Variants in SART3 observed in about 807,000 individuals in gnomAD.
The protein encoded by SART3 is spliceosome associated factor 3, U4/U6 recycling protein.
Under a neutral mutation model 122.3 loss-of-function variants are expected in SART3, and 44 were observed. The observed-to-expected ratio is 0.36, with a 90% CI of 0.28 to 0.46. The LOEUF is 0.46. Ranked by LOEUF, SART3 falls within the 20% of genes least tolerant of loss-of-function variation. The pLI is 1.00. For synonymous variants in SART3, 442 were observed against 454.0 expected (o/e 0.97, Z 0.34); for missense variants, 1,101 against 1,229.0 (o/e 0.90, Z 1.56).
chr12:108,525,358 C>T lies in SART3; in HGVS notation c.2523+99G>A, dbSNP rs184869268. On this transcript the variant is annotated intron_variant, in intron 17 of 18. Coordinates refer to ENST00000546815, the MANE Select transcript of SART3 (RefSeq NM_014706.4). Reference sequence around the variant, plus strand: ...TAACTTTTGTTTCTCAGCAGACAAACTAGGAACCCATTCTAGAGGTTAAAT... The same window carrying T: ...TAACTTTTGTTTCTCAGCAGACAAATTAGGAACCCATTCTAGAGGTTAAAT... 8.4e-6 allele frequency: 11 copies of T among 1,303,448 alleles called. No homozygotes were observed. In the Admixed American group the frequency reaches 1.4e-4, roughly 17 times the overall value. 80.7% of individuals were successfully genotyped at this position (1,303,448 alleles called of 1,614,324 possible). A position where few individuals can be genotyped will look rare whatever the true frequency, so the allele number is the denominator to read the frequency against.
chr12:108,544,626 G>A lies in SART3; in HGVS notation c.730-148C>T. 7 of 1,084,570 alleles carry A rather than the reference G, an allele frequency of 6.5e-6. No individual in the cohort carries two copies. The Admixed American group carries it at 1.3e-4, about 21-fold the overall frequency. 67.2% of individuals were successfully genotyped at this position (1,084,570 alleles called of 1,614,324 possible). ...CTGTCACCCTGGCTGGAGTGTGGTG[G>A]TGTGATCACAACTCACTACAGCCTC... On this transcript the variant is annotated intron_variant, in intron 4 of 18. Coordinates refer to ENST00000546815, the MANE Select transcript of SART3 (RefSeq NM_014706.4).
Position 108,536,659 on chromosome 12 carries a change from C to T in SART3, c.1387+49G>A, listed in dbSNP as rs759811549. On this transcript the variant is annotated intron_variant, in intron 10 of 18. Coordinates refer to ENST00000546815, the MANE Select transcript of SART3 (RefSeq NM_014706.4). ...AAGGTACATCAACCAGGAAATAGTA[C>T]AGACAAGGAAATACAACTGGGCAAA... 23 of 1,609,236 alleles carry T rather than the reference C, an allele frequency of 1.4e-5. No homozygotes were observed. The Middle Eastern group carries it at 4.9e-4, about 35-fold the overall frequency.
intron 6 of SART3, 147 bp downstream of exon 6, chr12:108,542,881 T>C: frequency 8.9e-7 from 1 of 1,118,808 alleles, no homozygotes; most frequent in Non-Finnish European, 1.3e-6. Flanking sequence ...ATGTTCACTT[T>C]ATTATTAGTA....
intron 18 of SART3, chr12:108,524,020 T>A: frequency 1.8e-6 from 1 of 554,360 alleles, no homozygotes; most frequent in South Asian, 2.1e-5. Context: ...GATTTCTTTG[T>A]AAACACACAG....
At chr12:108,529,275 A>C (rs948854567) in intron 15 of SART3, among the ~76,000 whole-genome samples, 4 of 152,372 alleles carry the variant, frequency 2.6e-5, no homozygotes, top group African/African-American at 9.6e-5. Context: ...ATATGGTCAT[A>C]AATATGTGTA....
intron 18 of SART3, 71 bp from the exon 19 acceptor site, chr12:108,523,705 A>G (rs1445549144): frequency 1.5e-6 from 2 of 1,368,508 alleles, no homozygotes; most frequent in African/African-American, 2.9e-5. Context: ...TGTGAAAATA[A>G]GCCAAGACAG....
At chr12:108,549,446 G>A (rs2029898977) in intron 1 of SART3, 2 of 503,480 alleles carry the variant, frequency 4.0e-6, no homozygotes, top group Non-Finnish European at 3.6e-6. Context: ...CCTGTTAGAA[G>A]ACATTTGGGT....
At chr12:108,529,133 G>A (rs1346344454) in intron 15 of SART3, among the ~76,000 whole-genome samples, 1 of 152,062 alleles carries the variant, frequency 6.6e-6, no homozygotes, top group Non-Finnish European at 1.5e-5. Flanking sequence ...AAAAATAAAT[G>A]AATAAATAAA....
Position 108,524,349 on chromosome 12 carries a change from C to T in SART3, c.2681G>A (p.Gly894Asp), listed in dbSNP as rs1872268795. ...PEKPETRKAP[G>D]GPMLLPQTYG... ...TGTCTGCGGCAAAAGCATGGGGCCACCTGGTGCCTTCCTGGTCTCCGGCTT... is the reference window on the plus strand; with the variant it reads ...TGTCTGCGGCAAAAGCATGGGGCCATCTGGTGCCTTCCTGGTCTCCGGCTT... Residue 894 changes from glycine (G) to aspartate (D), a missense_variant, in exon 18 of 19, where the codon GGT becomes GAT. Gly to Asp is a moderately conservative substitution (Grantham distance 94). Transcript: ENST00000546815. The T allele has an allele frequency of 6.2e-7, 1 of 1,614,094 alleles. No individual in the cohort carries two copies. The highest frequency in any genetic ancestry group is 1.3e-5 in the African/African-American group (1 of 74,948).
Position 108,537,504 on chromosome 12 carries a change from C to A in SART3, c.1293G>T (p.Arg431Ser), listed in dbSNP as rs1462377465. ...WQAYLDYLRR[R>S]VDFKQDSSKE... The stretch of plus-strand genomic sequence containing the variant: ...CTTAAATACCTTGTTTGAAATCAAC[C>A]CTTCTCCTCAGGTAATCAAGGTATG... Residue 431 changes from arginine to serine, a missense_variant, in exon 9 of 19, where the codon AGG becomes AGT. Around this residue, in one of 2 missense-constraint regions of SART3, gnomAD observed 885 missense variants for 1,080.1 expected, o/e 0.82. Transcript: ENST00000546815. 6.2e-7 allele frequency: 1 copy of A among 1,613,148 alleles called. No individual in the cohort carries two copies. The highest frequency in any genetic ancestry group is 1.7e-5 in the Admixed American group (1 of 60,022).
intron 12 of SART3, 76 bp from the exon 13 acceptor site, chr12:108,532,410 C>T (rs1431661021): frequency 8.2e-7 from 1 of 1,223,170 alleles, no homozygotes; most frequent in East Asian, 2.4e-5. Context: ...CCGTCTTCTC[C>T]CAGGTAGAAA....
intron 1 of SART3, among the ~76,000 whole-genome samples, chr12:108,550,277 A>G (rs2029953891): frequency 6.6e-6 from 1 of 152,226 alleles, no homozygotes; most frequent in Non-Finnish European, 1.5e-5. Flanking sequence ...CTAAAGCATC[A>G]AAAAGGAAGA....
chr12:108,556,747 C>A (rs188995180), intron 1 of SART3, among the ~76,000 whole-genome samples: 1 of 152,200 alleles, frequency 6.6e-6, no homozygotes, highest in African/African-American at 2.4e-5. Context: ...ACAAAGTAAC[C>A]GCAGTTTGGG....
intron 18 of SART3, 167 bp downstream of exon 18, chr12:108,524,149 T>G (rs1872257976): frequency 5.6e-6 from 4 of 708,694 alleles, no homozygotes; most frequent in Middle Eastern, 7.8e-4. Flanking sequence ...CATCCTGCTC[T>G]GGACGCCTTG....
rs1327436749 is a variant in SART3 at position 108,545,858 on chromosome 12, C to CA, written c.545-536dup. Among the ~76,000 whole-genome samples the CA allele has an allele frequency of 4.0e-5, 6 of 149,784 alleles. 1 individual carries two copies. The highest frequency in any genetic ancestry group is 9.8e-5 in the African/African-American group (4 of 40,758). On this transcript the variant is annotated intron_variant, in intron 3 of 18. Coordinates refer to ENST00000546815, the MANE Select transcript of SART3 (RefSeq NM_014706.4). ...GCAGGCACCTGTAGTCCCAGCTACT[C>CA]AGGAGGCTGAGGCAGGAGAATCGCT...
intron 8 of SART3, 22 bp from the exon 9 acceptor site, chr12:108,537,617 G>T (rs767749282): frequency 5.7e-6 from 9 of 1,580,308 alleles, no homozygotes; most frequent in Non-Finnish European, 6.1e-6. Context: ...GAAAAGTCAG[G>T]ATTTGTTACC....
At position 108,537,930 on chromosome 12, in the gene SART3, C is replaced by G. The variant is rs537017977; in HGVS notation, c.1201+135G>C. 75 of 1,064,464 alleles carry G rather than the reference C, an allele frequency of 7.0e-5. No individual in the cohort carries two copies. In the East Asian group the frequency reaches 1.8e-3, roughly 25 times the overall value. 65.9% of individuals were successfully genotyped at this position (1,064,464 alleles called of 1,614,324 possible). A position where few individuals can be genotyped will look rare whatever the true frequency, so the allele number is the denominator to read the frequency against. The stretch of plus-strand genomic sequence containing the variant: ...AAATATAACCAGTTCATCTCTCACT[C>G]AGAGCCCTTTTTGTCACTACACTCC... On this transcript the variant is annotated intron_variant, in intron 8 of 18. Coordinates refer to ENST00000546815, the MANE Select transcript of SART3 (RefSeq NM_014706.4).
At chr12:108,552,806 C>A (rs1475256982) in intron 1 of SART3, among the ~76,000 whole-genome samples, 2 of 152,062 alleles carry the variant, frequency 1.3e-5, no homozygotes, top group Non-Finnish European at 2.9e-5. Flanking sequence ...AATTAAAATC[C>A]CAACAAGGTT....
At chr12:108,545,967 C>CAAAAAAA (rs367848748) in intron 3 of SART3, among the ~76,000 whole-genome samples, 8 of 108,940 alleles carry the variant, frequency 7.3e-5, no homozygotes, top group African/African-American at 2.5e-4. Flanking sequence ...GACTCTCTCT[C>CAAAAAAA]AAAAAAAAAA....
Sources: allele counts gnomAD v4.1 joint callset (sites outside exome capture counted in the v4.1 genomes callset), GRCh38; gene constraint gnomAD v4.1.1; regional missense constraint gnomAD v4.1.1; transcripts MANE v1.5; gene names NCBI Gene and HGNC (gene_info 2026-07-23, HGNC 2026-07-21).